The following TNRC18 variants were observed in gnomAD, a reference collection of about 807,000 sequenced individuals.
The protein encoded by TNRC18 is trinucleotide repeat containing 18.
A neutral mutation model predicts 226.7 loss-of-function variants in TNRC18; 69 were observed. The ratio of observed to expected loss-of-function variants is 0.30; its 90% CI spans 0.25 to 0.37. TNRC18 has a LOEUF of 0.37. Ranked by LOEUF, TNRC18 falls within the 10% of genes least tolerant of loss-of-function variation. The probability of loss-of-function intolerance (pLI) is 1.00; values close to 1 mark genes in which losing one functional copy is unlikely to be tolerated. For synonymous variants in TNRC18, 2,449 were observed against 1,927.6 expected (o/e 1.27, Z -7.09); for missense variants, 4,754 against 4,256.6 (o/e 1.12, Z -3.25).
intron 5 of TNRC18, among the ~76,000 whole-genome samples, chr7:5,387,464 C>T (rs1253764883): frequency 2.0e-5 from 3 of 152,190 alleles, no homozygotes; most frequent in African/African-American, 4.8e-5. Context: ...CACAAAACAT[C>T]GGAGAAGGAA....
At chr7:5,323,431 C>T (rs1218274443) in intron 21 of TNRC18, among the ~76,000 whole-genome samples, 4 of 151,252 alleles carry the variant, frequency 2.6e-5, no homozygotes, top group Non-Finnish European at 5.9e-5. Flanking sequence ...AATGTGTGCA[C>T]CCTGCCCCGC....
At position 5,374,174 on chromosome 7, in the gene TNRC18, GCGGGCGGCGGGCTGGT is replaced by G; in HGVS notation, c.3094_3109del (p.Thr1032ProfsTer122). ...GATACCCGGGGTGGGCGGTGGGGAG[GCGGGCGGCGGGCTGGT>G]GGGGTGGGAGCTGGGGGTGGCGGGG... On this transcript the variant is annotated frameshift_variant, in exon 10 of 30. Coordinates refer to ENST00000430969, the MANE Select transcript of TNRC18 (RefSeq NM_001080495.3). LOFTEE classifies it high-confidence loss of function. The G allele has an allele frequency of 7.0e-7, 1 of 1,431,104 alleles. No individual in the cohort carries two copies. The highest frequency in any genetic ancestry group is 2.8e-5 in the East Asian group (1 of 35,158). The allele number at this position is 1,431,104 out of a possible 1,614,324, so 88.7% of individuals were successfully genotyped here.
chr7:5,378,449 C>T lies in TNRC18; in HGVS notation c.2153-425G>A, dbSNP rs376151862. On this transcript the variant is annotated intron_variant, in intron 5 of 29. Coordinates refer to ENST00000430969, the MANE Select transcript of TNRC18 (RefSeq NM_001080495.3). ...ATTTTTTTTTTTTGAGATGGAGTCT[C>T]GCTCTGTCGCCCAGGCTGGAGTGCA... Among the ~76,000 whole-genome samples the T allele has an allele frequency of 2.4e-3, 354 of 149,698 alleles. 1 individual carries two copies. Among genetic ancestry groups the T allele is most frequent in the African/African-American group, 7.7e-3 (314 of 40,700 alleles).
At chr7:5,382,612 G>A (rs568011645) in intron 5 of TNRC18, among the ~76,000 whole-genome samples, 4 of 152,026 alleles carry the variant, frequency 2.6e-5, no homozygotes, top group South Asian at 2.1e-4. Flanking sequence ...GCGTACACCC[G>A]GCTCTGCACC....
At chr7:5,339,341 G>C (rs562084829) in intron 18 of TNRC18, among the ~76,000 whole-genome samples, 2 of 151,102 alleles carry the variant, frequency 1.3e-5, no homozygotes, top group East Asian at 1.9e-4. Flanking sequence ...CCAGGCTCAA[G>C]CGATTCTTAT....
intron 14 of TNRC18, among the ~76,000 whole-genome samples, chr7:5,361,163 G>A (rs1299980543): frequency 6.6e-6 from 1 of 152,164 alleles, no homozygotes; most frequent in Non-Finnish European, 1.5e-5. Context: ...GCCAGAAGGG[G>A]CCAGCCCTGG....
At chr7:5,313,982 G>T in intron 26 of TNRC18, 119 bp from the exon 27 acceptor site, 1 of 1,116,996 alleles carries the variant, frequency 9.0e-7, no homozygotes, top group Non-Finnish European at 1.2e-6. Flanking sequence ...TTTTTTTTGA[G>T]ATGGGGTCTC....
intron 26 of TNRC18, among the ~76,000 whole-genome samples, 191 bp downstream of exon 26, chr7:5,314,793 G>C (rs1430710131): frequency 1.3e-5 from 2 of 152,040 alleles, no homozygotes; most frequent in South Asian, 4.1e-4. Context: ...GACTGGTCTT[G>C]AACTCCTGAC....
chr7:5,314,528 A>G (rs1787641413), intron 26 of TNRC18, among the ~76,000 whole-genome samples: 1 of 150,342 alleles, frequency 6.7e-6, no homozygotes, highest in Non-Finnish European at 1.5e-5. Flanking sequence ...TCACCTGGTC[A>G]GAACGGCCCT....
At chr7:5,385,502 AAAAAAAAAAAAAAAAG>A (rs1182682489) in intron 5 of TNRC18, among the ~76,000 whole-genome samples, 1 of 85,970 alleles carries the variant, frequency 1.2e-5, no homozygotes, top group African/African-American at 6.1e-5. Context: ...CTCAAAAAAA[AAAAAAAAAAAAAAAAG>A]AAAAAAAAAT....
intron 9 of TNRC18, among the ~76,000 whole-genome samples, chr7:5,375,822 G>T (rs1238388428): frequency 6.6e-6 from 1 of 152,122 alleles, no homozygotes; most frequent in Non-Finnish European, 1.5e-5. Flanking sequence ...ATCTGCCTCT[G>T]CTCACAGCTC....
intron 18 of TNRC18, among the ~76,000 whole-genome samples, chr7:5,338,983 G>C (rs1321685277): frequency 2.8e-5 from 4 of 144,504 alleles, no homozygotes; most frequent in Non-Finnish European, 6.0e-5. Flanking sequence ...GCCCCACAAC[G>C]TCCAAGACAC....
chr7:5,338,618 A>T (rs1790353208), intron 18 of TNRC18, among the ~76,000 whole-genome samples: 2 of 124,864 alleles, frequency 1.6e-5, no homozygotes, highest in Admixed American at 7.9e-5. Context: ...GCTGCACATT[A>T]AAAAAAAAAA....
intron 2 of TNRC18, among the ~76,000 whole-genome samples, chr7:5,412,798 T>G (rs1781929522): frequency 6.6e-6 from 1 of 152,164 alleles, no homozygotes; most frequent in African/African-American, 2.4e-5. Context: ...TACCAGGAGC[T>G]TCCAGGGACC....
rs188122749 is a variant in TNRC18 at position 5,386,053 on chromosome 7, G to A, written c.2152+1619C>T. Among the ~76,000 whole-genome samples, 1,264 of 150,724 alleles carry A rather than the reference G, an allele frequency of 8.4e-3. 16 individuals are homozygous for A. The highest frequency in any genetic ancestry group is 0.029 in the African/African-American group (1,180 of 40,950). On this transcript the variant is annotated intron_variant, in intron 5 of 29. Coordinates refer to ENST00000430969, the MANE Select transcript of TNRC18 (RefSeq NM_001080495.3). ...TGTAATCCCAGCACTTTGGGAGGCC[G>A]AGGCGGGTGGATCACTTGAGGTCAG...
chr7:5,351,118 G>A (rs1161619925), intron 17 of TNRC18, among the ~76,000 whole-genome samples: 1 of 151,992 alleles, frequency 6.6e-6, no homozygotes, highest in East Asian at 1.9e-4. Context: ...AATGCCAATC[G>A]CTACCAGGGA....
intron 16 of TNRC18, among the ~76,000 whole-genome samples, chr7:5,352,359 C>T (rs2128147689): frequency 1.3e-5 from 2 of 152,242 alleles, no homozygotes; most frequent in African/African-American, 4.8e-5. Flanking sequence ...TGGATGCTGC[C>T]AGCCTCACCC....
At chr7:5,361,471 G>A (rs1038716220) in intron 14 of TNRC18, 123 bp downstream of exon 14, 54 of 1,216,782 alleles carry the variant, frequency 4.4e-5, no homozygotes, top group Non-Finnish European at 5.4e-5. Context: ...CCACTGCTGC[G>A]GGTAGGTCAG....
rs1782576537 is a variant in TNRC18, at chr7:5,421,349, C to T, written c.-103G>A. The T allele has an allele frequency of 9.1e-7, 1 of 1,104,648 alleles. No individual in the cohort carries two copies. Among genetic ancestry groups the T allele is most frequent in the Non-Finnish European group, 1.1e-6 (1 of 877,644 alleles). The allele number at this position is 1,104,648 out of a possible 1,614,324, so 68.4% of individuals were successfully genotyped here. A position where few individuals can be genotyped will look rare whatever the true frequency, so the allele number is the denominator to read the frequency against. The stretch of plus-strand genomic sequence containing the variant: ...GCGTAGTCCCAGAGTCCTCGGGCGG[C>T]GGGGGCTCCGCGGCGTGCATGGCGG... On this transcript the variant is annotated 5_prime_UTR_variant, in exon 2 of 30. Transcript: ENST00000430969.
Sources: allele counts gnomAD v4.1 joint callset (sites outside exome capture counted in the v4.1 genomes callset), GRCh38; gene constraint gnomAD v4.1.1; transcripts MANE v1.5; gene names NCBI Gene and HGNC (gene_info 2026-07-23, HGNC 2026-07-21).